Variants in SYT1 observed in about 807,000 individuals in gnomAD.
SYT1 encodes synaptotagmin 1.
A neutral mutation model predicts 44.8 loss-of-function variants in SYT1; 8 were observed. That is an observed-to-expected ratio of 0.18 (90% CI 0.10 to 0.32). The LOEUF (loss-of-function observed/expected upper bound fraction) is 0.32. Among genes scored for constraint, SYT1 ranks in the 10% least tolerant of loss-of-function variants. SYT1 has a pLI of 1.00. For missense variants in SYT1, 286 were observed against 509.3 expected (o/e 0.56, Z 4.22); for synonymous variants, 154 against 188.8 (o/e 0.82, Z 1.51).
At chr12:78,980,097 A>G (rs1481319523) in intron 2 of SYT1, among the ~76,000 whole-genome samples, 1 of 152,128 alleles carries the variant, frequency 6.6e-6, no homozygotes, top group Non-Finnish European at 1.5e-5. Flanking sequence ...TCTTAATAAG[A>G]ATATTTTCTC....
intron 3 of SYT1, among the ~76,000 whole-genome samples, chr12:79,091,959 T>A (rs1381026553): frequency 6.6e-6 from 1 of 152,006 alleles, no homozygotes; most frequent in African/African-American, 2.4e-5. Flanking sequence ...CAATTTTGCT[T>A]TGCTGGAACT....
At chr12:78,923,339 G>C (rs571442343) in intron 1 of SYT1, among the ~76,000 whole-genome samples, 1 of 151,992 alleles carries the variant, frequency 6.6e-6, no homozygotes, top group South Asian at 2.1e-4. Context: ...AAGCTCTTCA[G>C]TGTTTTCTTT....
intron 3 of SYT1, among the ~76,000 whole-genome samples, chr12:79,166,652 A>G (rs745363898): frequency 5.3e-5 from 8 of 151,952 alleles, no homozygotes; most frequent in Admixed American, 6.6e-5. Flanking sequence ...CTCTCCTTCT[A>G]TTTTTAGAAA....
intron 9 of SYT1, among the ~76,000 whole-genome samples, chr12:79,409,345 C>CT (rs1294983054): frequency 1.2e-4 from 18 of 152,124 alleles, no homozygotes; most frequent in Non-Finnish European, 2.2e-4. Context: ...CACTCACAGA[C>CT]TTTTTTCAAA....
chr12:79,344,075 C>T (rs147263404), intron 8 of SYT1, among the ~76,000 whole-genome samples: 1 of 152,326 alleles, frequency 6.6e-6, no homozygotes, highest in East Asian at 1.9e-4. Context: ...GAAGAACCTT[C>T]AGGACTGTGT....
intron 8 of SYT1, among the ~76,000 whole-genome samples, chr12:79,309,070 A>G (rs573467156): frequency 3.3e-5 from 5 of 152,222 alleles, no homozygotes; most frequent in East Asian, 1.9e-4. Context: ...TTTAAAAATC[A>G]TACTTTCTCA....
chr12:78,919,033 C>A (rs2035173), intron 1 of SYT1, among the ~76,000 whole-genome samples: 107,517 of 151,804 alleles, frequency 0.71, 38,754 homozygotes, highest in African/African-American at 0.82. Context: ...TAAAAGAGGC[C>A]AGGAAAGCAT....
chr12:78,910,863 G>C (rs1021279590), intron 1 of SYT1, among the ~76,000 whole-genome samples: 1 of 151,972 alleles, frequency 6.6e-6, no homozygotes, highest in Non-Finnish European at 1.5e-5. Context: ...ATGTGCATGG[G>C]AAAGAGAATC....
At chr12:79,087,255 T>A (rs1255114368) in intron 3 of SYT1, among the ~76,000 whole-genome samples, 2 of 152,136 alleles carry the variant, frequency 1.3e-5, no homozygotes, top group African/African-American at 2.4e-5. Flanking sequence ...GTGTCAGGTT[T>A]ATGGGACAGC....
chr12:78,884,858 A>C (rs1031146724), intron 1 of SYT1, among the ~76,000 whole-genome samples: 1 of 151,904 alleles, frequency 6.6e-6, no homozygotes, highest in East Asian at 1.9e-4. Context: ...AAAAGTGTTT[A>C]TAAAATTTGG....
chr12:79,445,389 A>G (rs567326280), intron 10 of SYT1, among the ~76,000 whole-genome samples: 1 of 152,186 alleles, frequency 6.6e-6, no homozygotes, highest in African/African-American at 2.4e-5. Flanking sequence ...CTGTAGTGGT[A>G]CAGAACACTA....
At position 79,443,998 on chromosome 12, in the gene SYT1, T is replaced by A. The variant is rs1870573100; in HGVS notation, c.929-75T>A. 33 of 1,512,034 alleles carry A rather than the reference T, an allele frequency of 2.2e-5. No homozygotes were observed. In the South Asian group the frequency reaches 4.0e-4, roughly 18 times the overall value. The allele number at this position is 1,512,034 out of a possible 1,614,324, so 93.7% of individuals were successfully genotyped here. ...TAATTATTTACCTGTGGGAAATAGT[T>A]CTTTTATAAGCTAACTTATAATCTA... On this transcript the variant is annotated intron_variant, in intron 9 of 10. Transcript: ENST00000261205.
chr12:79,214,313 T>C lies in SYT1; in HGVS notation c.-17-3190T>C, dbSNP rs565720457. 9.7e-4 allele frequency among the ~76,000 whole-genome samples: 148 copies of C among 152,214 alleles called. No individual in the cohort carries two copies. The Middle Eastern group carries it at 0.014, about 14-fold the overall frequency. The stretch of plus-strand genomic sequence containing the variant: ...GGATGATATCATTGGCTGGTAAGAG[T>C]TAAAAGCTTATAGCTCTTACTTTTC... On this transcript the variant is annotated intron_variant, in intron 3 of 10. Transcript: ENST00000261205.
intron 3 of SYT1, among the ~76,000 whole-genome samples, chr12:79,078,227 T>C (rs1876793276): frequency 6.6e-6 from 1 of 152,146 alleles, no homozygotes; most frequent in Non-Finnish European, 1.5e-5. Flanking sequence ...GACTTTAGAC[T>C]TAGAGTTGGG....
At chr12:79,217,766 T>A in intron 4 of SYT1, 81 bp downstream of exon 4, 2 of 1,118,410 alleles carry the variant, frequency 1.8e-6, no homozygotes, top group Non-Finnish European at 2.5e-6. Context: ...TAGAACTCCG[T>A]TTGATATACT....
intron 1 of SYT1, among the ~76,000 whole-genome samples, chr12:78,909,685 A>G (rs1215515008): frequency 1.3e-5 from 2 of 152,032 alleles, no homozygotes; most frequent in Non-Finnish European, 2.9e-5. Context: ...AAAATTACAG[A>G]TAATGACTAA....
intron 3 of SYT1, among the ~76,000 whole-genome samples, chr12:79,139,824 C>A (rs1219274273): frequency 2.6e-5 from 4 of 152,144 alleles, no homozygotes. Context: ...AATAATCAGG[C>A]CACTGAGCAG....
At chr12:79,045,391 C>T (rs1011601043) in intron 2 of SYT1, among the ~76,000 whole-genome samples, 5 of 152,184 alleles carry the variant, frequency 3.3e-5, no homozygotes, top group African/African-American at 9.6e-5. Context: ...TTTCCAGGTG[C>T]GTCTGTTACC....
intron 3 of SYT1, among the ~76,000 whole-genome samples, chr12:79,069,446 G>A (rs190723466): frequency 3.6e-4 from 54 of 151,598 alleles, no homozygotes; most frequent in African/African-American, 1.3e-3. Context: ...CAGAACATAT[G>A]TTCTTTTTAT....
Sources: gnomAD v4.1 joint callset for allele counts (sites outside exome capture counted in the v4.1 genomes callset) on GRCh38, gnomAD v4.1.1 for gene constraint, MANE v1.5 for transcripts, NCBI Gene and HGNC (gene_info 2026-07-23, HGNC 2026-07-21) for gene names.